RHOBTB1: variants seen among roughly 807,000 people sequenced by gnomAD.
RHOBTB1 encodes the protein Rho related BTB domain containing 1.
RHOBTB1 carries 40 observed loss-of-function variants against 71.6 expected under a neutral mutation model. The observed-to-expected ratio is 0.56, with a 90% CI of 0.43 to 0.73. RHOBTB1 has a LOEUF of 0.73. RHOBTB1 is among the 30% of genes least tolerant of loss of function. RHOBTB1 has a pLI of 0.00. For synonymous variants in RHOBTB1, 319 were observed against 334.9 expected (o/e 0.95, Z 0.52); for missense variants, 797 against 894.0 (o/e 0.89, Z 1.38).
chr10:60,930,176 GA>G (rs531914244), intron 2 of RHOBTB1, among the ~76,000 whole-genome samples: 54 of 152,050 alleles, frequency 3.6e-4, no homozygotes, highest in African/African-American at 1.3e-3. Context: ...ACATCTTTAA[GA>G]AAAAAAATGA....
chr10:60,949,164 C>T (rs117691473), upstream of RHOBTB1, among the ~76,000 whole-genome samples: 2,311 of 152,232 alleles, frequency 0.015, 27 homozygotes, highest in Middle Eastern at 0.068. Flanking sequence ...TACCTTATTG[C>T]GTTCAGTCAC....
chr10:60,947,583 T>C (rs2085279751), upstream of RHOBTB1, among the ~76,000 whole-genome samples: 1 of 151,456 alleles, frequency 6.6e-6, no homozygotes, highest in African/African-American at 2.4e-5. Flanking sequence ...TGAGATTGAC[T>C]TTTTTTGTTT....
At chr10:60,952,752 A>G (rs2085457619) in intron 2 of RHOBTB1, among the ~76,000 whole-genome samples, 1 of 152,172 alleles carries the variant, frequency 6.6e-6, no homozygotes, top group Non-Finnish European at 1.5e-5. Context: ...TATTAAACTC[A>G]GGTAAACTAC....
chr10:60,873,753 T>A (rs939836391), intron 9 of RHOBTB1, among the ~76,000 whole-genome samples: 1 of 152,246 alleles, frequency 6.6e-6, no homozygotes, highest in Admixed American at 6.5e-5. Context: ...CTGCATTAGA[T>A]GTCTATTCTC....
rs73266088 is a variant in RHOBTB1, at chr10:60,958,968, A to T, written c.-61-17114T>A. 5.3e-3 allele frequency among the ~76,000 whole-genome samples: 801 copies of T among 152,276 alleles called. 12 individuals are homozygous for T. The highest frequency in any genetic ancestry group is 0.018 in the African/African-American group (742 of 41,562). The stretch of plus-strand genomic sequence containing the variant: ...AATATAGTGGCATCTTCATTTTGGT[A>T]AACTATTACTTTGGTGGTCTCCAGT... On this transcript the variant is annotated intron_variant, in intron 2 of 11. Coordinates refer to the RHOBTB1 transcript ENST00000357917.
intron 9 of RHOBTB1, among the ~76,000 whole-genome samples, chr10:60,872,626 A>G (rs564933555): frequency 7.0e-6 from 1 of 143,432 alleles, no homozygotes; most frequent in South Asian, 2.4e-4. Context: ...ACCAGCCCAC[A>G]GCAGAAAGCA....
downstream of RHOBTB1, among the ~76,000 whole-genome samples, chr10:60,867,174 T>C (rs927947486): frequency 6.6e-6 from 1 of 152,208 alleles, no homozygotes; most frequent in Non-Finnish European, 1.5e-5. Flanking sequence ...GTGTATCTTT[T>C]CACATGACAG....
intron 4 of RHOBTB1, among the ~76,000 whole-genome samples, chr10:60,905,001 C>T (rs1292280107): frequency 6.6e-6 from 1 of 152,148 alleles, no homozygotes; most frequent in African/African-American, 2.4e-5. Context: ...AAAGCACATG[C>T]ATTGCTAACT....
chr10:60,905,583 A>C (rs747910063), intron 4 of RHOBTB1, among the ~76,000 whole-genome samples: 6 of 151,754 alleles, frequency 4.0e-5, no homozygotes, highest in Non-Finnish European at 7.4e-5. Context: ...GGAAAAAAAA[A>C]CCAAAATAGC....
At chr10:60,958,491 T>C (rs923953169) in intron 2 of RHOBTB1, among the ~76,000 whole-genome samples, 1 of 152,282 alleles carries the variant, frequency 6.6e-6, no homozygotes. Flanking sequence ...TGAAACACTA[T>C]ATAGATATGG....
intron 2 of RHOBTB1, among the ~76,000 whole-genome samples, chr10:60,912,222 TATACACAC>T (rs1589275940): frequency 6.6e-6 from 1 of 151,444 alleles, no homozygotes; most frequent in East Asian, 1.9e-4. Context: ...TGTGTATATA[TATACACAC>T]ACACATATAT....
At chr10:60,884,533 T>C (rs1169200012) in intron 7 of RHOBTB1, among the ~76,000 whole-genome samples, 1 of 152,190 alleles carries the variant, frequency 6.6e-6, no homozygotes, top group Non-Finnish European at 1.5e-5. Flanking sequence ...GAGGCTGTAC[T>C]CCCATGTTAA....
chr10:60,883,116 G>A (rs752825478), intron 7 of RHOBTB1, among the ~76,000 whole-genome samples: 13 of 152,172 alleles, frequency 8.5e-5, no homozygotes, highest in Admixed American at 6.6e-4. Context: ...GGGCGAGAAT[G>A]TCGACAGCTC....
intron 2 of RHOBTB1, among the ~76,000 whole-genome samples, chr10:60,978,795 C>T (rs1042241853): frequency 2.0e-5 from 3 of 152,092 alleles, no homozygotes; most frequent in African/African-American, 7.2e-5. Flanking sequence ...ACTACTTATA[C>T]AAAACCTGTA....
intron 1 of RHOBTB1, among the ~76,000 whole-genome samples, chr10:60,942,981 G>C (rs4582920): frequency 0.48 from 72,216 of 151,924 alleles, 17,923 homozygotes; most frequent in East Asian, 0.74. Context: ...GTTCAACAAG[G>C]CTCAGTGAAC....
intron 2 of RHOBTB1, among the ~76,000 whole-genome samples, chr10:60,969,947 C>A (rs1168167094): frequency 2.6e-5 from 4 of 152,088 alleles, no homozygotes; most frequent in African/African-American, 4.8e-5. Flanking sequence ...CAAACATCAA[C>A]CCATTTCAGT....
chr10:60,931,502 C>T (rs527791847), intron 2 of RHOBTB1, among the ~76,000 whole-genome samples: 1 of 152,080 alleles, frequency 6.6e-6, no homozygotes. Context: ...TATTGTAGCA[C>T]CTTTCACTAC....
intron 1 of RHOBTB1, among the ~76,000 whole-genome samples, chr10:60,988,557 T>C (rs1226648815): frequency 6.6e-6 from 1 of 152,246 alleles, no homozygotes; most frequent in South Asian, 2.1e-4. Flanking sequence ...ATATACAGTA[T>C]TTGGTTTACC....
At chr10:60,988,170 G>A (rs186483017) in intron 1 of RHOBTB1, among the ~76,000 whole-genome samples, 5,904 of 151,758 alleles carry the variant, frequency 0.039, 181 homozygotes, top group African/African-American at 0.077. Context: ...TCCTGACCTC[G>A]TGATCTGCCC....
Sources: allele counts gnomAD v4.1 joint callset (sites outside exome capture counted in the v4.1 genomes callset), GRCh38; gene constraint gnomAD v4.1.1; transcripts MANE v1.5; gene names NCBI Gene and HGNC (gene_info 2026-07-23, HGNC 2026-07-21).